Variants in ASAP1 observed in about 807,000 individuals in gnomAD.
ASAP1 encodes arf-GAP with SH3 domain, ANK repeat and PH domain-containing protein 1.
ASAP1 carries 43 observed loss-of-function variants against 145.2 expected under a neutral mutation model. The ratio of observed to expected loss-of-function variants is 0.30; its 90% confidence interval spans 0.23 to 0.38. The LOEUF is 0.38. ASAP1 is among the 10% of genes least tolerant of loss of function. ASAP1 has a pLI of 1.00. For synonymous variants in ASAP1, 546 were observed against 515.5 expected (o/e 1.06, Z -0.80); for missense variants, 1,018 against 1,355.3 (o/e 0.75, Z 3.91).
intron 25 of ASAP1, 37 bp downstream of exon 25, chr8:130,091,936 C>T (rs2097506362): frequency 2.0e-6 from 3 of 1,487,772 alleles, no homozygotes; most frequent in East Asian, 5.1e-5. Context: ...CGCTGCCTGG[C>T]CCCAGCAGCT....
At chr8:130,183,507 A>T (rs1477510189) in intron 7 of ASAP1, among the ~76,000 whole-genome samples, 1 of 151,764 alleles carries the variant, frequency 6.6e-6, no homozygotes, top group Middle Eastern at 3.2e-3. Context: ...CGCCCAGCTA[A>T]TTTTTGTATT....
chr8:130,221,274 G>A (rs541610991), intron 4 of ASAP1, among the ~76,000 whole-genome samples: 4 of 151,934 alleles, frequency 2.6e-5, no homozygotes, highest in African/African-American at 7.2e-5. Context: ...AGAAAGAGAA[G>A]GAAGGAAGAA....
At chr8:130,121,117 G>A (rs2097565145) in intron 18 of ASAP1, among the ~76,000 whole-genome samples, 1 of 152,058 alleles carries the variant, frequency 6.6e-6, no homozygotes. Flanking sequence ...AAAATACATT[G>A]GGAAGTCAAC....
intron 11 of ASAP1, among the ~76,000 whole-genome samples, chr8:130,166,496 C>T (rs1410996147): frequency 6.6e-6 from 1 of 152,088 alleles, no homozygotes; most frequent in African/African-American, 2.4e-5. Flanking sequence ...CCCATCCTGC[C>T]CCAAAATGTC....
At chr8:130,293,564 G>T (rs920235177) in intron 3 of ASAP1, among the ~76,000 whole-genome samples, 1 of 152,070 alleles carries the variant, frequency 6.6e-6, no homozygotes, top group African/African-American at 2.4e-5. Context: ...CTGACAGCAG[G>T]GCCAAAAGTA....
At chr8:130,248,244 C>T (rs998061306) in intron 3 of ASAP1, among the ~76,000 whole-genome samples, 1 of 151,890 alleles carries the variant, frequency 6.6e-6, no homozygotes, top group East Asian at 1.9e-4. Flanking sequence ...GGGGGGAGTG[C>T]GGAATGAACA....
At chr8:130,404,642 G>A (rs1828944284) in intron 1 of ASAP1, among the ~76,000 whole-genome samples, 1 of 152,182 alleles carries the variant, frequency 6.6e-6, no homozygotes. Context: ...GAGTTAGTAT[G>A]GTAGACTGCA....
chr8:130,352,966 T>C (rs2138072004), intron 3 of ASAP1, among the ~76,000 whole-genome samples: 1 of 152,244 alleles, frequency 6.6e-6, no homozygotes, highest in East Asian at 1.9e-4. Flanking sequence ...GCTGCATTTT[T>C]TGAGGGCAGG....
chr8:130,072,414 T>C (rs926906824), intron 27 of ASAP1, among the ~76,000 whole-genome samples: 9 of 152,216 alleles, frequency 5.9e-5, no homozygotes, highest in Non-Finnish European at 1.0e-4. Flanking sequence ...TTTCCCCTTT[T>C]GCTTGGCTCT....
chr8:130,215,519 C>T (rs1407446215), intron 4 of ASAP1, among the ~76,000 whole-genome samples: 5 of 151,858 alleles, frequency 3.3e-5, no homozygotes, highest in South Asian at 4.2e-4. Flanking sequence ...CAAGGCGGGC[C>T]GATCACGAGG....
intron 3 of ASAP1, among the ~76,000 whole-genome samples, chr8:130,265,203 T>TC: frequency 6.6e-6 from 1 of 152,214 alleles, no homozygotes; most frequent in Middle Eastern, 3.4e-3. Flanking sequence ...TAAATGTTTC[T>TC]AGAAGTGAAT....
At chr8:130,128,731 C>T (rs1310600346) in intron 15 of ASAP1, among the ~76,000 whole-genome samples, 1 of 152,086 alleles carries the variant, frequency 6.6e-6, no homozygotes, top group Non-Finnish European at 1.5e-5. Flanking sequence ...TAACCCTTTG[C>T]TACTAAAATA....
At chr8:130,236,127 A>G (rs1818200626) in intron 4 of ASAP1, among the ~76,000 whole-genome samples, 1 of 152,118 alleles carries the variant, frequency 6.6e-6, no homozygotes, top group South Asian at 2.1e-4. Flanking sequence ...TTTCTATTAT[A>G]GTCTGCTGCC....
At chr8:130,394,190 G>A (rs1328383385) in intron 2 of ASAP1, among the ~76,000 whole-genome samples, 3 of 152,146 alleles carry the variant, frequency 2.0e-5, no homozygotes, top group Non-Finnish European at 4.4e-5. Flanking sequence ...TGAGCTGGGC[G>A]GAACAGAGCC....
intron 3 of ASAP1, among the ~76,000 whole-genome samples, chr8:130,357,605 C>T (rs773875177): frequency 2.0e-5 from 3 of 152,230 alleles, no homozygotes; most frequent in East Asian, 1.9e-4. Flanking sequence ...CGTTCACTGC[C>T]CATCTCCTAG....
At chr8:130,172,579 T>A (rs555900156) in intron 9 of ASAP1, among the ~76,000 whole-genome samples, 2 of 152,228 alleles carry the variant, frequency 1.3e-5, no homozygotes, top group African/African-American at 4.8e-5. Context: ...AAATGAAAAA[T>A]TCTGTTCCTG....
chr8:130,405,310 G>A (rs532207615), intron 1 of ASAP1, among the ~76,000 whole-genome samples: 3 of 152,238 alleles, frequency 2.0e-5, no homozygotes, highest in East Asian at 1.9e-4. Flanking sequence ...ATGAAATAAC[G>A]TGTCCAAGAC....
At chr8:130,063,878 C>T (rs1026470060) in intron 27 of ASAP1, among the ~76,000 whole-genome samples, 3 of 152,114 alleles carry the variant, frequency 2.0e-5, no homozygotes, top group Non-Finnish European at 4.4e-5. Context: ...GCTGGGAGCT[C>T]ACATTCCACG....
intron 4 of ASAP1, among the ~76,000 whole-genome samples, chr8:130,235,466 T>C (rs530934716): frequency 8.5e-5 from 13 of 152,260 alleles, no homozygotes; most frequent in African/African-American, 3.1e-4. Context: ...CATCTCCTAG[T>C]TATTTATTTC....
Sources: gnomAD v4.1 joint callset for allele counts (sites outside exome capture counted in the v4.1 genomes callset) on GRCh38, gnomAD v4.1.1 for gene constraint, MANE v1.5 for transcripts, NCBI Gene and HGNC (gene_info 2026-07-23, HGNC 2026-07-21) for gene names.